Variants in ERC2 observed in about 807,000 individuals in gnomAD.
ERC2 encodes the protein ELKS/RAB6-interacting/CAST family member 2, also known as ERC protein 2.
A neutral mutation model predicts 114.8 loss-of-function variants in ERC2; 42 were observed. The ratio of observed to expected loss-of-function variants is 0.37; its 90% CI spans 0.29 to 0.47. The LOEUF (loss-of-function observed/expected upper bound fraction) is 0.47, where lower values mean the gene tolerates loss of function less well. Ranked by LOEUF, ERC2 falls within the 20% of genes least tolerant of loss-of-function variation. The pLI, the probability that ERC2 is intolerant of heterozygous loss-of-function variation, is 0.99. For synonymous variants in ERC2, 454 were observed against 425.5 expected (o/e 1.07, Z -0.82); for missense variants, 939 against 1,150.7 (o/e 0.82, Z 2.66).
At chr3:56,324,976 A>G (rs929046765) in intron 2 of ERC2, among the ~76,000 whole-genome samples, 1 of 151,820 alleles carries the variant, frequency 6.6e-6, no homozygotes, top group African/African-American at 2.4e-5. Context: ...TTACTTCTCC[A>G]GGGCAGTCTT....
At chr3:56,245,384 A>T (rs896690154) in intron 3 of ERC2, among the ~76,000 whole-genome samples, 1 of 152,004 alleles carries the variant, frequency 6.6e-6, no homozygotes, top group African/African-American at 2.4e-5. Context: ...GGCCCAGTAT[A>T]TGTCAGTACA....
intron 3 of ERC2, among the ~76,000 whole-genome samples, chr3:56,247,508 C>T (rs2051796710): frequency 6.6e-6 from 1 of 152,188 alleles, no homozygotes. Context: ...TTAGTAAATG[C>T]TTTGCAAAGG....
At chr3:55,598,829 T>C (rs771474784) in intron 17 of ERC2, among the ~76,000 whole-genome samples, 3 of 152,234 alleles carry the variant, frequency 2.0e-5, no homozygotes, top group Non-Finnish European at 4.4e-5. Flanking sequence ...AAGGGGCAGA[T>C]TGTCTGGGGA....
chr3:56,111,349 A>G (rs913800160), intron 6 of ERC2, among the ~76,000 whole-genome samples: 3 of 108,074 alleles, frequency 2.8e-5, no homozygotes, highest in African/African-American at 1.1e-4. Context: ...CTCTCCCTCA[A>G]TCTCTCTCTC....
chr3:55,948,524 C>A (rs2067277272), intron 13 of ERC2, among the ~76,000 whole-genome samples: 1 of 152,224 alleles, frequency 6.6e-6, no homozygotes, highest in African/African-American at 2.4e-5. Context: ...CTCTATTAAC[C>A]TTAACCAGAG....
intron 2 of ERC2, among the ~76,000 whole-genome samples, chr3:56,383,436 A>G (rs1002459002): frequency 6.6e-5 from 10 of 152,170 alleles, no homozygotes; most frequent in African/African-American, 2.2e-4. Context: ...TGTCACTGCT[A>G]TAATTATTGT....
chr3:56,204,456 CACAA>C (rs1466740022), intron 3 of ERC2, among the ~76,000 whole-genome samples: 2 of 133,662 alleles, frequency 1.5e-5, no homozygotes, highest in Non-Finnish European at 3.3e-5. Context: ...TTTAATGTGA[CACAA>C]ACATTTAATT....
chr3:55,931,129 T>C (rs2066054738), intron 13 of ERC2, among the ~76,000 whole-genome samples: 5 of 151,996 alleles, frequency 3.3e-5, no homozygotes, highest in South Asian at 2.1e-4. Flanking sequence ...CATGGAGAAA[T>C]AGGGAGGCTT....
At chr3:56,227,346 C>G (rs1211250122) in intron 3 of ERC2, among the ~76,000 whole-genome samples, 3 of 151,440 alleles carry the variant, frequency 2.0e-5, no homozygotes. Context: ...GGTATAGGAG[C>G]ACACTGACAG....
chr3:55,562,823 G>A (rs551798872), intron 17 of ERC2, among the ~76,000 whole-genome samples: 9 of 151,056 alleles, frequency 6.0e-5, no homozygotes, highest in Admixed American at 1.3e-4. Flanking sequence ...TTTTTTTGTT[G>A]TTGTTTAAAA....
At chr3:55,804,003 T>C (rs576532098) in intron 14 of ERC2, among the ~76,000 whole-genome samples, 80 of 152,330 alleles carry the variant, frequency 5.3e-4, no homozygotes, top group African/African-American at 1.8e-3. Context: ...CACTGTCTAT[T>C]GACTGGAAGT....
Position 56,192,702 on chromosome 3 carries a change from T to C in ERC2, c.1075-19182A>G, listed in dbSNP as rs144438671. ...AATCACCATAAGATGGACTTGATGC[T>C]GTGTCACCTGTACCAGGTGAATTGT... On this transcript the variant is annotated intron_variant, in intron 3 of 17. Transcript: ENST00000288221. 3.4e-3 allele frequency among the ~76,000 whole-genome samples: 511 copies of C among 152,262 alleles called. 1 individual carries two copies. Among genetic ancestry groups the C allele is most frequent in the African/African-American group, 0.012 (488 of 41,562 alleles).
At chr3:55,531,118 G>A (rs981655894) in intron 17 of ERC2, among the ~76,000 whole-genome samples, 6 of 152,100 alleles carry the variant, frequency 3.9e-5, no homozygotes, top group African/African-American at 1.4e-4. Flanking sequence ...CAGGCTGAGG[G>A]GAGGGAGAGC....
In ERC2 at chr3:55,916,540, G is replaced by T. The variant is rs1345705011; in HGVS notation, c.2404-27991C>A. ...GTATAGTATCATCAAAAGTTACACC[G>T]ACTACACCTCCCACTCATCCATGCC... On this transcript the variant is annotated intron_variant, in intron 13 of 17. Coordinates refer to ENST00000288221, the MANE Select transcript of ERC2 (RefSeq NM_015576.3). Among the ~76,000 whole-genome samples the T allele has an allele frequency of 3.9e-5, 6 of 152,046 alleles. No individual in the cohort carries two copies. The South Asian group carries it at 1.0e-3, about 26-fold the overall frequency.
chr3:56,196,651 A>C (rs1052726625), intron 3 of ERC2, among the ~76,000 whole-genome samples: 2 of 152,100 alleles, frequency 1.3e-5, no homozygotes, highest in African/African-American at 4.8e-5. Context: ...CAGTGGTATA[A>C]TTTTCCTGTT....
In ERC2 at chr3:55,793,432, G is replaced by C. The variant is rs570722733; in HGVS notation, c.2565-58514C>G. Among the ~76,000 whole-genome samples, 4 of 152,242 alleles carry C rather than the reference G, an allele frequency of 2.6e-5. No individual in the cohort carries two copies. In the South Asian group the frequency reaches 8.3e-4, roughly 32 times the overall value. On this transcript the variant is annotated intron_variant, in intron 14 of 17. Coordinates refer to ENST00000288221, the MANE Select transcript of ERC2 (RefSeq NM_015576.3). ...TGTGACTTATAGTCACTGCAGGACTGTTTTTGCCTAAGAGTAAGCAGAAAA... is the reference window on the plus strand; with the variant it reads ...TGTGACTTATAGTCACTGCAGGACTCTTTTTGCCTAAGAGTAAGCAGAAAA...
At chr3:55,765,224 C>G (rs1559618630) in intron 14 of ERC2, among the ~76,000 whole-genome samples, 1 of 152,104 alleles carries the variant, frequency 6.6e-6, no homozygotes, top group Non-Finnish European at 1.5e-5. Flanking sequence ...ACTGTAATAT[C>G]CTCATAAATC....
At chr3:55,836,962 C>A (rs1490930233) in intron 14 of ERC2, among the ~76,000 whole-genome samples, 1 of 152,206 alleles carries the variant, frequency 6.6e-6, no homozygotes, top group East Asian at 1.9e-4. Flanking sequence ...ACAGACATTT[C>A]TCAAAAGAAG....
At chr3:56,083,599 AC>A (rs1198346953) in intron 6 of ERC2, among the ~76,000 whole-genome samples, 12 of 152,208 alleles carry the variant, frequency 7.9e-5, no homozygotes, top group Admixed American at 7.9e-4. Flanking sequence ...CTAAGAATTA[AC>A]AAATATCTTA....
Sources: gnomAD v4.1 joint callset for allele counts (sites outside exome capture counted in the v4.1 genomes callset) on GRCh38, gnomAD v4.1.1 for gene constraint, MANE v1.5 for transcripts, NCBI Gene and HGNC (gene_info 2026-07-23, HGNC 2026-07-21) for gene names.